IL1R1: variants seen among roughly 807,000 people sequenced by gnomAD.
The protein encoded by IL1R1 is interleukin-1 receptor type 1.
In IL1R1, 22 loss-of-function variants were observed where a neutral mutation model predicts 50.2. The ratio of observed to expected loss-of-function variants is 0.44; its 90% CI spans 0.31 to 0.63. IL1R1 has a LOEUF of 0.63. Among genes scored for constraint, IL1R1 ranks in the 20% least tolerant of loss-of-function variants. The pLI, the probability that IL1R1 is intolerant of heterozygous loss-of-function variation, is 0.07. For synonymous variants in IL1R1, 251 were observed against 236.7 expected, an observed-to-expected ratio of 1.06 and a Z score of -0.55; for missense variants, 509 against 676.2, an observed-to-expected ratio of 0.75 and a Z score of 2.74.
At chr2:102,128,795 G>C (rs1681866681) in intron 1 of IL1R1, among the ~76,000 whole-genome samples, 1 of 152,210 alleles carries the variant, frequency 6.6e-6, no homozygotes, top group East Asian at 1.9e-4. Context: ...CAATGTGAAG[G>C]GGGAAAACGA....
chr2:102,097,879 T>G (rs1679973340), intron 1 of IL1R1, among the ~76,000 whole-genome samples: 1 of 152,002 alleles, frequency 6.6e-6, no homozygotes, highest in Non-Finnish European at 1.5e-5. Flanking sequence ...TATACAAAAT[T>G]TTTAGAGGAT....
intron 1 of IL1R1, among the ~76,000 whole-genome samples, chr2:102,121,020 C>G (rs1384766193): frequency 1.3e-5 from 2 of 152,156 alleles, no homozygotes; most frequent in East Asian, 3.9e-4. Context: ...TCCTCTTGCT[C>G]CTGTCAGGCC....
intron 11 of IL1R1, 173 bp from the exon 12 acceptor site, chr2:102,176,180 C>T (rs1454233748): frequency 3.3e-6 from 2 of 601,658 alleles, no homozygotes; most frequent in Non-Finnish European, 5.7e-6. Context: ...GAACAAGAGA[C>T]TGTCTCTTAA....
intron 1 of IL1R1, among the ~76,000 whole-genome samples, chr2:102,076,955 C>T (rs1422012409): frequency 2.6e-5 from 4 of 152,114 alleles, no homozygotes; most frequent in African/African-American, 9.7e-5. Flanking sequence ...TTACATTGTT[C>T]TACAATTCAT....
chr2:102,108,940 G>A (rs1300866597), intron 1 of IL1R1, among the ~76,000 whole-genome samples: 2 of 133,278 alleles, frequency 1.5e-5, no homozygotes, highest in African/African-American at 6.1e-5. Flanking sequence ...TTTGAACTTG[G>A]TACTGAATAA....
upstream of IL1R1, among the ~76,000 whole-genome samples, chr2:102,139,625 C>T (rs1337090690): frequency 6.6e-6 from 1 of 152,200 alleles, no homozygotes; most frequent in African/African-American, 2.4e-5. Context: ...CTTGGGCCAT[C>T]CCCTTGGTGA....
At position 102,166,251 on chromosome 2, in the gene IL1R1, A is replaced by G; in HGVS notation, c.625A>G (p.Ile209Val). 1.9e-6 allele frequency: 3 copies of G among 1,613,448 alleles called. No homozygotes were observed. The highest frequency in any genetic ancestry group is 1.7e-6 in the Non-Finnish European group (2 of 1,179,588). Residue 209 changes from isoleucine to valine, a missense_variant, in exon 6 of 12, where the codon ATT becomes GTT. Coordinates refer to ENST00000410023, the MANE Select transcript of IL1R1 (RefSeq NM_000877.4). ...SYTYLGKQYP[I>V]TRVIEFITLE... ...CACATACTTGGGCAAGCAATATCCT[A>G]TTACCCGGGTAATAGAATTTATTAC... is the stretch of plus-strand genomic sequence containing the variant.
chr2:102,135,106 T>C (rs986827328), intron 1 of IL1R1, among the ~76,000 whole-genome samples: 1 of 151,782 alleles, frequency 6.6e-6, no homozygotes, highest in African/African-American at 2.4e-5. Flanking sequence ...GGTAAGATTT[T>C]ACAATTTTAT....
chr2:102,077,538 G>A (rs550495059), intron 1 of IL1R1, among the ~76,000 whole-genome samples: 2 of 152,152 alleles, frequency 1.3e-5, no homozygotes, highest in African/African-American at 4.8e-5. Context: ...TAGCATCTTG[G>A]CCTTATAGAA....
At chr2:102,093,350 G>T (rs1248329419) in intron 1 of IL1R1, among the ~76,000 whole-genome samples, 2 of 152,178 alleles carry the variant, frequency 1.3e-5, no homozygotes, top group African/African-American at 4.8e-5. Flanking sequence ...TCATTTCTTT[G>T]GGGTATTTTG....
At chr2:102,100,723 A>T (rs1229408889), upstream of IL1R1, among the ~76,000 whole-genome samples, 1 of 152,098 alleles carries the variant, frequency 6.6e-6, no homozygotes, top group Non-Finnish European at 1.5e-5. Flanking sequence ...AATCTTTCCC[A>T]TTCCTTCATC....
rs145887502 is a variant in IL1R1 at position 102,105,152 on chromosome 2, A to G, written c.-84+280A>G. 7.2e-5 allele frequency among the ~76,000 whole-genome samples: 11 copies of G among 152,334 alleles called. No homozygotes were observed. The East Asian group carries it at 2.1e-3, about 29-fold the overall frequency. The stretch of plus-strand genomic sequence containing the variant: ...ATGAAACATATGGGAAATATACTTT[A>G]TAACTGTATATTACTTATAAACCAT... On this transcript the variant is annotated intron_variant, in intron 1 of 10. Coordinates refer to the IL1R1 transcript ENST00000409329.
intron 1 of IL1R1, among the ~76,000 whole-genome samples, chr2:102,135,890 A>T (rs1682316482): frequency 6.6e-6 from 1 of 152,140 alleles, no homozygotes; most frequent in African/African-American, 2.4e-5. Context: ...ATTTAATTTA[A>T]AATAATTTAA....
chr2:102,175,277 G>A (rs763193010), intron 10 of IL1R1, among the ~76,000 whole-genome samples: 2 of 152,066 alleles, frequency 1.3e-5, no homozygotes, highest in Non-Finnish European at 2.9e-5. Flanking sequence ...GAACAAATTT[G>A]CAGTAAAACA....
chr2:102,078,903 GA>G (rs779800996), intron 1 of IL1R1, among the ~76,000 whole-genome samples: 1 of 152,188 alleles, frequency 6.6e-6, no homozygotes, highest in Non-Finnish European at 1.5e-5. Flanking sequence ...GACCAAGTGG[GA>G]TTTATCCTAA....
chr2:102,124,801 A>G (rs113267815), intron 1 of IL1R1, among the ~76,000 whole-genome samples: 1 of 152,002 alleles, frequency 6.6e-6, no homozygotes, highest in Non-Finnish European at 1.5e-5. Flanking sequence ...TTGTAATCCC[A>G]GCTACTCGGG....
At position 102,113,628 on chromosome 2, in the gene IL1R1, T is replaced by C. The variant is rs141767481; in HGVS notation, c.-84+8756T>C. Among the ~76,000 whole-genome samples the C allele has an allele frequency of 2.6e-3, 394 of 152,314 alleles. 1 individual carries two copies. The highest frequency in any genetic ancestry group is 9.1e-3 in the African/African-American group (378 of 41,560). On this transcript the variant is annotated intron_variant, in intron 1 of 10. Transcript: ENST00000409329. ...GGACTTTTCATTACTTGCGATTTTA[T>C]TTGCTGTCTCCTTGATCTTGCTTGC...
intron 1 of IL1R1, among the ~76,000 whole-genome samples, chr2:102,113,178 A>G (rs1193203345): frequency 6.6e-6 from 1 of 152,260 alleles, no homozygotes; most frequent in African/African-American, 2.4e-5. Flanking sequence ...AACTATCTTT[A>G]AAGACTTTCA....
Position 102,178,757 on chromosome 2 carries a change from C to T in IL1R1, c.*1998C>T, listed in dbSNP as rs1192525300. On this transcript the variant is annotated 3_prime_UTR_variant, in exon 12 of 12. Transcript: ENST00000410023. ...TCTTCTACTTTCATCTATTCTTTCC[C>T]TAGAGGCAAACATTTCTTAAAATGT... 1 of 152,290 alleles carries T rather than the reference C, an allele frequency of 6.6e-6. No homozygotes were observed. The highest frequency in any genetic ancestry group is 1.9e-4 in the East Asian group (1 of 5,334). The allele number at this position is 152,290 out of a possible 1,614,324, so 9.4% of individuals were successfully genotyped here.
Sources: gnomAD v4.1 joint callset for allele counts (sites outside exome capture counted in the v4.1 genomes callset) on GRCh38, gnomAD v4.1.1 for gene constraint, MANE v1.5 for transcripts, NCBI Gene and HGNC (gene_info 2026-07-23, HGNC 2026-07-21) for gene names.